Variants in DNAJC6 observed in about 807,000 individuals in gnomAD.
DNAJC6 encodes DnaJ heat shock protein family (Hsp40) member C6.
A neutral mutation model predicts 110.0 loss-of-function variants in DNAJC6; 34 were observed. The ratio of observed to expected loss-of-function variants is 0.31; its 90% confidence interval spans 0.24 to 0.41. The LOEUF is 0.41. Ranked by LOEUF, DNAJC6 falls within the 10% of genes least tolerant of loss-of-function variation. The pLI is 1.00. For synonymous variants in DNAJC6, 406 were observed against 437.2 expected (o/e 0.93, Z 0.89); for missense variants, 1,031 against 1,207.8 (o/e 0.85, Z 2.17).
At chr1:65,296,294 T>C (rs1570235217) in intron 1 of DNAJC6, among the ~76,000 whole-genome samples, 4 of 152,334 alleles carry the variant, frequency 2.6e-5, no homozygotes, top group Admixed American at 2.6e-4. Context: ...ACTAAAATAA[T>C]TGCAATAGGC....
chr1:65,366,174 G>A lies in DNAJC6; in HGVS notation c.521G>A (p.Arg174Gln), dbSNP rs895749847. 6.2e-6 allele frequency: 10 copies of A among 1,613,284 alleles called. No individual in the cohort carries two copies. Among genetic ancestry groups the A allele is most frequent in the Admixed American group, 1.7e-5 (1 of 59,928 alleles). ...TVYNLSPKSY[R>Q]TAKFHSRVSE... Reference sequence around the variant, plus strand: ...TACAATCTGTCACCTAAGTCTTATCGAACTGCCAAGTTTCACAGCCGGGTA... The same window carrying A: ...TACAATCTGTCACCTAAGTCTTATCAAACTGCCAAGTTTCACAGCCGGGTA... Residue 174 changes from arginine (R) to glutamine (Q), a missense_variant, in exon 4 of 19, where the codon CGA (arginine) becomes CAA (glutamine). By Grantham distance (43) the Arg-to-Gln change is conservative (BLOSUM62 1). Transcript: ENST00000371069.
chr1:65,320,439 T>C (rs1645187572), intron 1 of DNAJC6, among the ~76,000 whole-genome samples: 1 of 152,158 alleles, frequency 6.6e-6, no homozygotes, highest in African/African-American at 2.4e-5. Context: ...GAATTATGAG[T>C]CAGGAACTCC....
intron 8 of DNAJC6, 65 bp downstream of exon 8, chr1:65,386,994 C>T: frequency 7.5e-7 from 1 of 1,330,124 alleles, no homozygotes; most frequent in Non-Finnish European, 1.1e-6. Context: ...ATTTCTGAAT[C>T]TTTTCTCCCC....
chr1:65,309,666 TCC>T lies in DNAJC6; in HGVS notation c.-79_-78del. The T allele has an allele frequency of 1.4e-6, 2 of 1,461,834 alleles. No homozygotes were observed. The highest frequency in any genetic ancestry group is 2.8e-5 in the Admixed American group (1 of 35,746). The allele number at this position is 1,461,834 out of a possible 1,614,324, so 90.6% of individuals were successfully genotyped here. ...CACTTAATTTTTTTTTTTTTTTAAT[TCC>T]TTCTTCAGCCCTTTCCACCTTCCAT... is the stretch of plus-strand genomic sequence containing the variant. On this transcript the variant is annotated 5_prime_UTR_variant, in exon 1 of 19. Transcript: ENST00000371069.
chr1:65,353,382 G>A (rs1645510469), intron 1 of DNAJC6, among the ~76,000 whole-genome samples: 1 of 152,130 alleles, frequency 6.6e-6, no homozygotes, highest in Non-Finnish European at 1.5e-5. Context: ...CCTTTTCCCT[G>A]GCACATCATA....
At chr1:65,288,993 A>G (rs1654107865) in intron 1 of DNAJC6, among the ~76,000 whole-genome samples, 1 of 152,104 alleles carries the variant, frequency 6.6e-6, no homozygotes, top group South Asian at 2.1e-4. Context: ...CCATGTGAAC[A>G]TATTTCTGTT....
intron 1 of DNAJC6, among the ~76,000 whole-genome samples, chr1:65,271,233 C>A (rs538409111): frequency 6.6e-6 from 1 of 152,108 alleles, no homozygotes; most frequent in East Asian, 1.9e-4. Context: ...GCATATTTAT[C>A]ACCTCAAATA....
At chr1:65,379,802 G>C (rs1645801056) in intron 5 of DNAJC6, 1 of 250,202 alleles carries the variant, frequency 4.0e-6, no homozygotes, top group African/African-American at 2.2e-5. Context: ...AACAGGAGTA[G>C]TGTGTGCACA....
chr1:65,409,828 A>G (rs980540839), intron 17 of DNAJC6, among the ~76,000 whole-genome samples: 2 of 152,202 alleles, frequency 1.3e-5, no homozygotes, highest in African/African-American at 4.8e-5. Context: ...TTTTTCCTCA[A>G]ATCAAATCAA....
At chr1:65,375,587 G>C (rs1026339369) in intron 4 of DNAJC6, among the ~76,000 whole-genome samples, 3 of 151,940 alleles carry the variant, frequency 2.0e-5, no homozygotes, top group Admixed American at 6.6e-5. Context: ...CACCACGCCC[G>C]GCTAATTTTT....
intron 1 of DNAJC6, among the ~76,000 whole-genome samples, chr1:65,284,299 C>T (rs1289381920): frequency 3.9e-5 from 6 of 152,192 alleles, no homozygotes; most frequent in African/African-American, 1.4e-4. Context: ...TCAGCATCTC[C>T]TTTCTCCATC....
At chr1:65,408,268 G>T (rs138629956) in intron 16 of DNAJC6, among the ~76,000 whole-genome samples, 1,656 of 152,288 alleles carry the variant, frequency 0.011, 22 homozygotes, top group Middle Eastern at 0.017. Flanking sequence ...GCAGAGAAGT[G>T]GTAGCATGCA....
chr1:65,329,319 ATTACT>A (rs1445669562), intron 1 of DNAJC6, among the ~76,000 whole-genome samples: 2 of 152,142 alleles, frequency 1.3e-5, no homozygotes, highest in African/African-American at 2.4e-5. Context: ...CAGTAAGATG[ATTACT>A]TTAAGTAGCT....
intron 4 of DNAJC6, among the ~76,000 whole-genome samples, 195 bp from the exon 5 acceptor site, chr1:65,379,207 T>A (rs535272958): frequency 3.3e-5 from 5 of 152,234 alleles, no homozygotes; most frequent in Admixed American, 2.6e-4. Context: ...CTTTACTGAA[T>A]GAGAATTCTT....
chr1:65,410,321 A>C (rs1362322089), intron 17 of DNAJC6, among the ~76,000 whole-genome samples: 1 of 152,182 alleles, frequency 6.6e-6, no homozygotes, highest in Non-Finnish European at 1.5e-5. Context: ...ATTCTTTGAT[A>C]CATTTTTTAG....
At chr1:65,324,623 T>C (rs1196045955) in intron 1 of DNAJC6, among the ~76,000 whole-genome samples, 2 of 152,194 alleles carry the variant, frequency 1.3e-5, no homozygotes, top group Non-Finnish European at 2.9e-5. Context: ...CCTCCTAAAG[T>C]GCTGGGATTA....
chr1:65,324,280 G>A (rs1392953197), intron 1 of DNAJC6, among the ~76,000 whole-genome samples: 5 of 151,964 alleles, frequency 3.3e-5, no homozygotes, highest in Admixed American at 1.3e-4. Context: ...AAGCTCAAGC[G>A]ATCCTCCTGC....
At chr1:65,332,199 GC>G (rs1368456719) in intron 1 of DNAJC6, among the ~76,000 whole-genome samples, 1 of 152,122 alleles carries the variant, frequency 6.6e-6, no homozygotes. Context: ...TTAACGTGGG[GC>G]ACTCAATGAA....
At chr1:65,320,015 T>C (rs867803636) in intron 1 of DNAJC6, among the ~76,000 whole-genome samples, 4 of 152,214 alleles carry the variant, frequency 2.6e-5, no homozygotes, top group Admixed American at 1.3e-4. Context: ...TTGGGATATG[T>C]GTACGCATGT....
Sources: allele counts gnomAD v4.1 joint callset (sites outside exome capture counted in the v4.1 genomes callset), GRCh38; gene constraint gnomAD v4.1.1; transcripts MANE v1.5; gene names NCBI Gene and HGNC (gene_info 2026-07-23, HGNC 2026-07-21).